The following RIMS4 variants were observed in gnomAD, a reference collection of about 807,000 sequenced individuals.
RIMS4 encodes regulating synaptic membrane exocytosis protein 4.
A neutral mutation model predicts 29.0 loss-of-function variants in RIMS4; 9 were observed. The ratio of observed to expected loss-of-function variants is 0.31; its 90% CI spans 0.19 to 0.54. RIMS4 has a LOEUF of 0.54. Ranked by LOEUF, RIMS4 falls within the 20% of genes least tolerant of loss-of-function variation. The probability of loss-of-function intolerance (pLI) is 0.94; values close to 1 mark genes in which losing one functional copy is unlikely to be tolerated. For missense variants in RIMS4, 193 were observed against 365.7 expected, an observed-to-expected ratio of 0.53 and a Z score of 3.85; for synonymous variants, 130 against 152.9, an observed-to-expected ratio of 0.85 and a Z score of 1.10.
At chr20:44,787,583 C>A (rs1244368469) in intron 1 of RIMS4, among the ~76,000 whole-genome samples, 1 of 151,998 alleles carries the variant, frequency 6.6e-6, no homozygotes, top group East Asian at 1.9e-4. Context: ...TCCTGTTCCA[C>A]ATGCACCATG....
intron 1 of RIMS4, among the ~76,000 whole-genome samples, chr20:44,779,197 A>G (rs1328911650): frequency 6.6e-6 from 1 of 152,228 alleles, no homozygotes; most frequent in Non-Finnish European, 1.5e-5. Flanking sequence ...CAAAAGTCTT[A>G]GCATTCTCTT....
In RIMS4 at chr20:44,754,280, G is replaced by C. The variant is rs2066048470; in HGVS notation, c.*1854C>G. ...GTCTCCATCTCCCCTTCCCAGTGCA[G>C]GGTAAGCAGCTCTGTGGAGGTGATA... On this transcript the variant is annotated 3_prime_UTR_variant, in exon 6 of 6. Transcript: ENST00000372851. 1.3e-5 allele frequency: 2 copies of C among 153,884 alleles called. No individual in the cohort carries two copies. The highest frequency in any genetic ancestry group is 2.9e-5 in the Non-Finnish European group (2 of 68,658). The allele number at this position is 153,884 out of a possible 1,614,324, so 9.5% of individuals were successfully genotyped here.
chr20:44,775,509 T>G (rs1419753536), intron 1 of RIMS4, among the ~76,000 whole-genome samples: 1 of 152,146 alleles, frequency 6.6e-6, no homozygotes, highest in Non-Finnish European at 1.5e-5. Flanking sequence ...CTAAATGAAA[T>G]GGGAGGATGA....
chr20:44,757,178 T>C (rs1291855563), intron 4 of RIMS4, 141 bp from the exon 5 acceptor site: 4 of 899,706 alleles, frequency 4.4e-6, no homozygotes, highest in Non-Finnish European at 6.9e-6. Context: ...CCAGGACACA[T>C]GGGGGGTGGG....
In RIMS4 at chr20:44,752,214, CCAGAGGGCCTCG is replaced by C. The variant is rs1409174327; in HGVS notation, c.*3908_*3919del. 1 of 152,236 alleles carries C rather than the reference CCAGAGGGCCTCG, an allele frequency of 6.6e-6. No homozygotes were observed. The highest frequency in any genetic ancestry group is 1.5e-5 in the Non-Finnish European group (1 of 68,064). The allele number at this position is 152,236 out of a possible 1,614,324, so 9.4% of individuals were successfully genotyped here. ...GTGCTGCTCCAGATGTGGGGCCCTC[CCAGAGGGCCTCG>C]GAGACACCATAGGGGAACAGGGAGA... On this transcript the variant is annotated 3_prime_UTR_variant, in exon 6 of 6. Coordinates refer to ENST00000372851, the MANE Select transcript of RIMS4 (RefSeq NM_182970.4).
At chr20:44,758,863 A>G (rs1419057827) in intron 2 of RIMS4, among the ~76,000 whole-genome samples, 1 of 152,216 alleles carries the variant, frequency 6.6e-6, no homozygotes, top group Non-Finnish European at 1.5e-5. Context: ...GGTGCTATGT[A>G]GCTACCATCT....
intron 1 of RIMS4, among the ~76,000 whole-genome samples, chr20:44,794,870 G>A (rs2066247941): frequency 6.6e-6 from 1 of 152,190 alleles, no homozygotes; most frequent in East Asian, 1.9e-4. Context: ...CCATCTCTGG[G>A]TCTCTTGGCT....
intron 2 of RIMS4, among the ~76,000 whole-genome samples, chr20:44,768,551 T>C (rs969825374): frequency 6.6e-5 from 10 of 152,208 alleles, no homozygotes; most frequent in Non-Finnish European, 1.0e-4. Context: ...CACAGCTCAA[T>C]GTCCCCACCC....
At chr20:44,768,038 T>C (rs2066121298) in intron 2 of RIMS4, among the ~76,000 whole-genome samples, 1 of 152,218 alleles carries the variant, frequency 6.6e-6, no homozygotes, top group Non-Finnish European at 1.5e-5. Flanking sequence ...CATTGTCCAT[T>C]GGTATTACAT....
chr20:44,809,026 T>C (rs1167714176), intron 1 of RIMS4, among the ~76,000 whole-genome samples: 1 of 152,136 alleles, frequency 6.6e-6, no homozygotes, highest in Non-Finnish European at 1.5e-5. Flanking sequence ...CTCTGTTTTG[T>C]TCCCCCATTG....
chr20:44,805,338 T>C (rs1341676841), intron 1 of RIMS4, among the ~76,000 whole-genome samples: 1 of 152,010 alleles, frequency 6.6e-6, no homozygotes, highest in Non-Finnish European at 1.5e-5. Context: ...AATAAAGTGG[T>C]TTGCGTCCAC....
At chr20:44,786,538 G>A (rs138934114) in intron 1 of RIMS4, among the ~76,000 whole-genome samples, 3 of 152,354 alleles carry the variant, frequency 2.0e-5, no homozygotes, top group African/African-American at 7.2e-5. Context: ...GAACAAGACA[G>A]ATGGGGGTCC....
chr20:44,763,855 T>C (rs1465981251), intron 2 of RIMS4, among the ~76,000 whole-genome samples: 1 of 152,212 alleles, frequency 6.6e-6, no homozygotes, highest in Non-Finnish European at 1.5e-5. Context: ...ATTAAAAGGT[T>C]GCACAGCCCT....
chr20:44,758,622 C>G (rs2066071185), intron 2 of RIMS4, among the ~76,000 whole-genome samples: 1 of 152,214 alleles, frequency 6.6e-6, no homozygotes, highest in Admixed American at 6.5e-5. Context: ...ACCCCCTCCC[C>G]GTGGCACATG....
chr20:44,807,346 T>A (rs757710113), intron 1 of RIMS4, among the ~76,000 whole-genome samples: 1 of 152,120 alleles, frequency 6.6e-6, no homozygotes, highest in Non-Finnish European at 1.5e-5. Flanking sequence ...CTGCCCCAGT[T>A]AAGGCTAATG....
At position 44,759,257 on chromosome 20, in the gene RIMS4, G is replaced by GT. The variant is rs11481779; in HGVS notation, c.237-1074dup. The stretch of plus-strand genomic sequence containing the variant: ...TTTTTTTGTTGTTGTTCTGGTTTTT[G>GT]TTTTTTTTTTGAGACAGAGTTTCCC... On this transcript the variant is annotated intron_variant, in intron 2 of 5. Transcript: ENST00000372851. Among the ~76,000 whole-genome samples, 1,469 of 147,602 alleles carry GT rather than the reference G, an allele frequency of 1.0e-2. 9 individuals carry two copies. The highest frequency in any genetic ancestry group is 0.026 in the African/African-American group (1,067 of 40,290).
chr20:44,796,628 G>C (rs964681073), intron 1 of RIMS4, among the ~76,000 whole-genome samples: 23 of 152,186 alleles, frequency 1.5e-4, no homozygotes, highest in Admixed American at 4.6e-4. Context: ...GGGCTCCCAG[G>C]AATGGTCACC....
intron 1 of RIMS4, among the ~76,000 whole-genome samples, chr20:44,786,530 A>G (rs1158398605): frequency 6.6e-6 from 1 of 152,208 alleles, no homozygotes; most frequent in Non-Finnish European, 1.5e-5. Flanking sequence ...GCAGCATTGA[A>G]CAAGACAGAT....
intron 1 of RIMS4, among the ~76,000 whole-genome samples, chr20:44,775,988 T>TAA (rs1454768191): frequency 6.6e-6 from 1 of 152,178 alleles, no homozygotes; most frequent in African/African-American, 2.4e-5. Flanking sequence ...CCATCTTATT[T>TAA]AAAACCTTAG....
Sources: gnomAD v4.1 joint callset for allele counts (sites outside exome capture counted in the v4.1 genomes callset) on GRCh38, gnomAD v4.1.1 for gene constraint, MANE v1.5 for transcripts, NCBI Gene and HGNC (gene_info 2026-07-23, HGNC 2026-07-21) for gene names.